The following DOCK5 variants were observed in gnomAD, a reference collection of about 807,000 sequenced individuals.
DOCK5 encodes dedicator of cytokinesis protein 5.
In DOCK5, 142 loss-of-function variants were observed where a neutral mutation model predicts 251.8. That is an observed-to-expected ratio of 0.56 (90% CI 0.49 to 0.65). The LOEUF (loss-of-function observed/expected upper bound fraction) is 0.65, where lower values mean the gene tolerates loss of function less well. Among genes scored for constraint, DOCK5 ranks in the 30% least tolerant of loss-of-function variants. The pLI is 0.00. For synonymous variants in DOCK5, 842 were observed against 835.5 expected (o/e 1.01, Z -0.13); for missense variants, 2,111 against 2,312.3 (o/e 0.91, Z 1.79).
In DOCK5 at chr8:25,325,467, C is replaced by T. The variant is rs922710787; in HGVS notation, c.1823C>T (p.Thr608Ile). 1.9e-6 allele frequency: 3 copies of T among 1,613,882 alleles called. No homozygotes were observed. Among genetic ancestry groups the T allele is most frequent in the African/African-American group, 1.3e-5 (1 of 75,032 alleles). Reference sequence around the variant, plus strand: ...CTTCAAGCATCCAAAAACCTGGTCACCTTCACCCCAAGCAAGGATAGCACT... The same window carrying T: ...CTTCAAGCATCCAAAAACCTGGTCATCTTCACCCCAAGCAAGGATAGCACT... The part of the protein sequence containing the change: ...KELQASKNLV[T>I]FTPSKDSTKD... Residue 608 changes from threonine to isoleucine, a missense_variant, in exon 18 of 52, where the codon ACC (threonine) becomes ATC (isoleucine). Thr to Ile is a moderately conservative substitution (Grantham distance 89). Transcript: ENST00000276440.
chr8:25,366,472 G>A (rs1428730152), intron 30 of DOCK5, among the ~76,000 whole-genome samples: 2 of 152,224 alleles, frequency 1.3e-5, no homozygotes, highest in African/African-American at 4.8e-5. Flanking sequence ...GGGCAACAGA[G>A]TGAGACTCTG....
intron 3 of DOCK5, among the ~76,000 whole-genome samples, chr8:25,273,950 C>T (rs1803979278): frequency 6.6e-6 from 1 of 152,154 alleles, no homozygotes; most frequent in East Asian, 1.9e-4. Context: ...CCACGCCTGC[C>T]CCCGTCTCAA....
At chr8:25,259,269 T>C (rs1174404647) in intron 2 of DOCK5, among the ~76,000 whole-genome samples, 1 of 152,112 alleles carries the variant, frequency 6.6e-6, no homozygotes, top group Non-Finnish European at 1.5e-5. Context: ...GGTGGCGCAT[T>C]GAGAAAGTGT....
intron 11 of DOCK5, chr8:25,304,602 G>A (rs1022130150): frequency 8.4e-6 from 3 of 359,086 alleles, no homozygotes; most frequent in East Asian, 4.6e-5. Context: ...ATGCAGAGAG[G>A]GTGCCGTCCT....
chr8:25,300,174 G>A (rs1260225248), intron 8 of DOCK5, among the ~76,000 whole-genome samples: 2 of 152,212 alleles, frequency 1.3e-5, no homozygotes, highest in African/African-American at 4.8e-5. Flanking sequence ...CCAAAGTGCT[G>A]GGATTACAGG....
In DOCK5 at chr8:25,319,681, G is replaced by C; in HGVS notation, c.1542+5G>C. On this transcript the variant is annotated splice_donor_5th_base_variant and intron_variant, in intron 15 of 51. Coordinates refer to ENST00000276440, the MANE Select transcript of DOCK5 (RefSeq NM_024940.8). The stretch of plus-strand genomic sequence containing the variant: ...TGTTGGTATGAGACTGTCAAGGTGA[G>C]AATGAGTCATTTGTAACCCCTGTTA... 6.4e-7 allele frequency: 1 copy of C among 1,565,182 alleles called. No individual in the cohort carries two copies. The highest frequency in any genetic ancestry group is 8.7e-7 in the Non-Finnish European group (1 of 1,152,268).
At chr8:25,315,480 G>A (rs1455722659) in intron 13 of DOCK5, among the ~76,000 whole-genome samples, 1 of 152,112 alleles carries the variant, frequency 6.6e-6, no homozygotes, top group Non-Finnish European at 1.5e-5. Flanking sequence ...GCTCACCATA[G>A]CCACCCAGAC....
intron 1 of DOCK5, among the ~76,000 whole-genome samples, chr8:25,203,542 C>A (rs951984581): frequency 3.9e-5 from 6 of 152,180 alleles, no homozygotes; most frequent in African/African-American, 1.2e-4. Flanking sequence ...TATACTTGCT[C>A]AGTTCCGATT....
intron 4 of DOCK5, chr8:25,277,342 A>G (rs920775068): frequency 2.0e-5 from 3 of 152,988 alleles, no homozygotes; most frequent in African/African-American, 7.2e-5. Flanking sequence ...TGTTGTTACC[A>G]AAGGGCCTTA....
At chr8:25,308,120 T>G (rs1188603910) in intron 11 of DOCK5, among the ~76,000 whole-genome samples, 1 of 152,036 alleles carries the variant, frequency 6.6e-6, no homozygotes, top group Non-Finnish European at 1.5e-5. Flanking sequence ...TGCAGTTGCT[T>G]ATAGTGCTTC....
At chr8:25,352,996 C>T (rs1586354279) in intron 27 of DOCK5, among the ~76,000 whole-genome samples, 1 of 152,208 alleles carries the variant, frequency 6.6e-6, no homozygotes, top group East Asian at 1.9e-4. Context: ...GAGGCCACAG[C>T]CATAGCAGAA....
chr8:25,364,057 C>T (rs1021267348), intron 29 of DOCK5, among the ~76,000 whole-genome samples: 21 of 152,188 alleles, frequency 1.4e-4, no homozygotes, highest in East Asian at 3.8e-4. Context: ...TCAACACAGA[C>T]GTGAGCCTGT....
In DOCK5 at chr8:25,339,283, C is replaced by T. The variant is rs73560496; in HGVS notation, c.2328-1594C>T. ...CCAAGAAAAAATTGTAAATTGCTCC[C>T]AATAGGATGTTGAGAAGCTTGATCT... On this transcript the variant is annotated intron_variant, in intron 22 of 51. Coordinates refer to ENST00000276440, the MANE Select transcript of DOCK5 (RefSeq NM_024940.8). Among the ~76,000 whole-genome samples, 757 of 152,146 alleles carry T rather than the reference C, an allele frequency of 5.0e-3. 4 individuals are homozygous for T. Among genetic ancestry groups the T allele is most frequent in the African/African-American group, 0.017 (707 of 41,514 alleles).
rs924993230 is a variant in DOCK5 at position 25,369,434 on chromosome 8, C to T, written c.3439-122C>T. 5 of 732,228 alleles carry T rather than the reference C, an allele frequency of 6.8e-6. No homozygotes were observed. In the Admixed American group the frequency reaches 1.3e-4, roughly 19 times the overall value. The allele number at this position is 732,228 out of a possible 1,614,324, so 45.4% of individuals were successfully genotyped here. ...AGTTTATGAGTGACCCTCTGTGATC[C>T]TCCCTGTCTGTGCTGGAAACAGTTC... On this transcript the variant is annotated intron_variant, in intron 33 of 51. Transcript: ENST00000276440.
chr8:25,244,626 C>T (rs369630197), intron 2 of DOCK5, among the ~76,000 whole-genome samples: 13 of 152,118 alleles, frequency 8.5e-5, no homozygotes, highest in Non-Finnish European at 1.3e-4. Context: ...GATGGTGAAA[C>T]GGCAGAGATG....
chr8:25,305,659 A>G (rs1563195657), intron 11 of DOCK5, among the ~76,000 whole-genome samples: 1 of 152,220 alleles, frequency 6.6e-6, no homozygotes, highest in Non-Finnish European at 1.5e-5. Context: ...ATACACACAC[A>G]TACAGAAATG....
chr8:25,277,024 G>A (rs1231142384), intron 4 of DOCK5: 2 of 152,360 alleles, frequency 1.3e-5, no homozygotes, highest in African/African-American at 2.4e-5. Flanking sequence ...CTTTGTGTGG[G>A]AGCCGATGAC....
chr8:25,345,299 A>C (rs1024817697), intron 25 of DOCK5, 176 bp from the exon 26 acceptor site: 15 of 629,380 alleles, frequency 2.4e-5, no homozygotes, highest in Non-Finnish European at 2.8e-5. Flanking sequence ...GAACAAGGGT[A>C]AAGTTCCGTG....
At chr8:25,208,355 A>G (rs1802051285) in intron 1 of DOCK5, among the ~76,000 whole-genome samples, 1 of 152,224 alleles carries the variant, frequency 6.6e-6, no homozygotes, top group African/African-American at 2.4e-5. Flanking sequence ...TGGGTGAAAT[A>G]CTATGAAATG....
Sources: gnomAD v4.1 joint callset for allele counts (sites outside exome capture counted in the v4.1 genomes callset) on GRCh38, gnomAD v4.1.1 for gene constraint, MANE v1.5 for transcripts, NCBI Gene and HGNC (gene_info 2026-07-23, HGNC 2026-07-21) for gene names.